PDE4D: variants seen among roughly 807,000 people sequenced by gnomAD.
PDE4D encodes phosphodiesterase 4D.
PDE4D carries 24 observed loss-of-function variants against 87.4 expected under a neutral mutation model. That is an observed-to-expected ratio of 0.27 (90% CI 0.20 to 0.39). The LOEUF is 0.39. PDE4D is among the 10% of genes least tolerant of loss of function. The pLI, the probability that PDE4D is intolerant of heterozygous loss-of-function variation, is 1.00. For missense variants in PDE4D, 714 were observed against 1,041.0 expected (o/e 0.69, Z 4.32); for synonymous variants, 384 against 383.2 (o/e 1.00, Z -0.02).
At chr5:60,009,864 A>C (rs1764850447) in intron 2 of PDE4D, among the ~76,000 whole-genome samples, 1 of 152,094 alleles carries the variant, frequency 6.6e-6, no homozygotes, top group South Asian at 2.1e-4. Context: ...AAGGATGAAA[A>C]GCTCACATTT....
At position 58,969,664 on chromosome 5, in the gene PDE4D, T is replaced by C. The variant is rs886060702; in HGVS notation, c.*5000A>G. The C allele has an allele frequency of 3.3e-5, 5 of 152,196 alleles. No homozygotes were observed. The highest frequency in any genetic ancestry group is 1.2e-4 in the African/African-American group (5 of 41,462). 9.4% of individuals were successfully genotyped at this position (152,196 alleles called of 1,614,324 possible). A position where few individuals can be genotyped will look rare whatever the true frequency, so the allele number is the denominator to read the frequency against. On this transcript the variant is annotated 3_prime_UTR_variant, in exon 15 of 15. Transcript: ENST00000340635. ...ATTATATGAGTATTGTTTAAGCCTTTGTCCCCTCCAGACTGTAAGCTCCAT... is the reference window on the plus strand; with the variant it reads ...ATTATATGAGTATTGTTTAAGCCTTCGTCCCCTCCAGACTGTAAGCTCCAT...
intron 1 of PDE4D, among the ~76,000 whole-genome samples, chr5:60,291,842 A>G (rs1473585362): frequency 6.6e-6 from 1 of 152,192 alleles, no homozygotes; most frequent in Non-Finnish European, 1.5e-5. Flanking sequence ...TAAATAATCC[A>G]AAATGTAAAT....
chr5:60,376,285 T>C (rs1271195109), intron 1 of PDE4D, among the ~76,000 whole-genome samples: 3 of 152,150 alleles, frequency 2.0e-5, no homozygotes, highest in Non-Finnish European at 4.4e-5. Flanking sequence ...ATCATTGTTA[T>C]CATCATCCTT....
chr5:59,187,113 G>C (rs921412974), intron 3 of PDE4D, among the ~76,000 whole-genome samples: 5 of 151,948 alleles, frequency 3.3e-5, no homozygotes, highest in African/African-American at 9.7e-5. Context: ...TTGACAGCTG[G>C]GTAAATAGAC....
intron 1 of PDE4D, among the ~76,000 whole-genome samples, chr5:59,655,508 G>A (rs1443343117): frequency 6.6e-6 from 1 of 152,092 alleles, no homozygotes; most frequent in East Asian, 1.9e-4. Context: ...CCTTGTAATT[G>A]TTTACAACTT....
At chr5:60,129,391 T>C (rs1285183434) in intron 2 of PDE4D, among the ~76,000 whole-genome samples, 1 of 151,842 alleles carries the variant, frequency 6.6e-6, no homozygotes, top group Non-Finnish European at 1.5e-5. Flanking sequence ...AAAAGAAATG[T>C]CAAATGCATG....
At chr5:60,231,961 T>C (rs1025649105) in intron 1 of PDE4D, among the ~76,000 whole-genome samples, 1 of 151,976 alleles carries the variant, frequency 6.6e-6, no homozygotes, top group Non-Finnish European at 1.5e-5. Flanking sequence ...TGACATAGTA[T>C]AGAGGGAGGG....
chr5:60,023,950 A>T (rs1454499297), intron 2 of PDE4D, among the ~76,000 whole-genome samples: 1 of 152,206 alleles, frequency 6.6e-6, no homozygotes, highest in Non-Finnish European at 1.5e-5. Flanking sequence ...AATGGGTCAG[A>T]GAATTTTGCT....
chr5:59,223,819 G>A (rs1272426673), intron 1 of PDE4D, among the ~76,000 whole-genome samples: 1 of 151,922 alleles, frequency 6.6e-6, no homozygotes, highest in Non-Finnish European at 1.5e-5. Flanking sequence ...TCATAAAACT[G>A]CATATTAAAT....
At chr5:59,943,626 C>T (rs1430976568) in intron 3 of PDE4D, among the ~76,000 whole-genome samples, 1 of 152,120 alleles carries the variant, frequency 6.6e-6, no homozygotes, top group Non-Finnish European at 1.5e-5. Context: ...TCTGCTTAGC[C>T]GCGCCTTTCC....
chr5:59,890,677 C>T (rs575409758), intron 1 of PDE4D, among the ~76,000 whole-genome samples: 21 of 152,148 alleles, frequency 1.4e-4, no homozygotes, highest in Non-Finnish European at 2.5e-4. Flanking sequence ...GGGCTCACCA[C>T]CTTTGATGAG....
chr5:59,651,904 C>T (rs150872080), intron 1 of PDE4D, among the ~76,000 whole-genome samples: 37 of 152,262 alleles, frequency 2.4e-4, no homozygotes, highest in Non-Finnish European at 3.4e-4. Flanking sequence ...TACAAGTGCT[C>T]TCAGCTGTCA....
chr5:59,867,156 G>A lies in PDE4D; in HGVS notation c.455+26012C>T, dbSNP rs550151193. Among the ~76,000 whole-genome samples, 17 of 152,244 alleles carry A rather than the reference G, an allele frequency of 1.1e-4. No homozygotes were observed. The South Asian group carries it at 2.5e-3, about 22-fold the overall frequency. On this transcript the variant is annotated intron_variant, in intron 1 of 14. Coordinates refer to ENST00000340635, the MANE Select transcript of PDE4D (RefSeq NM_001104631.2). ...AAGGAAGCTTACTTAATTGAGATGT[G>A]TAGAGAGAGAAGGGTATGAAGCCAG...
intron 2 of PDE4D, among the ~76,000 whole-genome samples, chr5:60,135,528 AT>A (rs1446579079): frequency 3.3e-5 from 5 of 152,240 alleles, no homozygotes; most frequent in African/African-American, 1.2e-4. Context: ...AGGAAAAACC[AT>A]CGAATACCAG....
At chr5:59,587,677 G>T in intron 1 of PDE4D, 1 of 946,242 alleles carries the variant, frequency 1.1e-6, no homozygotes, top group Non-Finnish European at 1.3e-6. Context: ...GGATGTGCTG[G>T]CGTCAAGGGG....
intron 1 of PDE4D, among the ~76,000 whole-genome samples, chr5:59,845,050 T>C (rs256350): frequency 0.39 from 58,570 of 151,894 alleles, 14,332 homozygotes; most frequent in African/African-American, 0.69. Flanking sequence ...AAGTGGGAAC[T>C]TCGGTCCTAA....
At chr5:60,460,654 G>T in intron 1 of PDE4D, 1 of 1,157,484 alleles carries the variant, frequency 8.6e-7, no homozygotes, top group South Asian at 1.2e-5. Flanking sequence ...GCCTGCAGAG[G>T]CCAATGTCTC....
chr5:59,068,970 A>G (rs1452646018), intron 5 of PDE4D, among the ~76,000 whole-genome samples: 1 of 152,178 alleles, frequency 6.6e-6, no homozygotes, highest in African/African-American at 2.4e-5. Flanking sequence ...CTTGACCTGG[A>G]AGAGTAAGTA....
At chr5:60,049,233 T>C (rs1769756622) in intron 2 of PDE4D, among the ~76,000 whole-genome samples, 1 of 152,248 alleles carries the variant, frequency 6.6e-6, no homozygotes, top group African/African-American at 2.4e-5. Context: ...CTTTAAGCAC[T>C]TCTCTGTATT....
Sources: gnomAD v4.1 joint callset for allele counts (sites outside exome capture counted in the v4.1 genomes callset) on GRCh38, gnomAD v4.1.1 for gene constraint, MANE v1.5 for transcripts, NCBI Gene and HGNC (gene_info 2026-07-23, HGNC 2026-07-21) for gene names.